The following NEGR1 variants were observed in gnomAD, a reference collection of about 807,000 sequenced individuals.
NEGR1 encodes neuronal growth regulator 1, also known as IgLON family member 4.
NEGR1 carries 10 observed loss-of-function variants against 40.9 expected under a neutral mutation model. The ratio of observed to expected loss-of-function variants is 0.24; its 90% CI spans 0.15 to 0.42. The LOEUF is 0.42. NEGR1 is among the 10% of genes least tolerant of loss of function. The pLI is 1.00. For synonymous variants in NEGR1, 185 were observed against 166.8 expected, an observed-to-expected ratio of 1.11 and a Z score of -0.84; for missense variants, 352 against 438.9, an observed-to-expected ratio of 0.80 and a Z score of 1.77.
chr1:71,612,688 C>T (rs1302170878), intron 4 of NEGR1, among the ~76,000 whole-genome samples: 2 of 152,176 alleles, frequency 1.3e-5, no homozygotes, highest in Non-Finnish European at 2.9e-5. Context: ...ATAGGGTAAT[C>T]TGAGTAGGCC....
intron 2 of NEGR1, among the ~76,000 whole-genome samples, 190 bp downstream of exon 2, chr1:71,934,889 A>T (rs368639030): frequency 6.6e-6 from 1 of 152,078 alleles, no homozygotes; most frequent in Admixed American, 6.6e-5. Flanking sequence ...TTCTGTCTGT[A>T]TGACTCTTAA....
intron 1 of NEGR1, among the ~76,000 whole-genome samples, chr1:72,202,916 G>A (rs905080176): frequency 1.3e-5 from 2 of 151,854 alleles, no homozygotes; most frequent in Non-Finnish European, 2.9e-5. Flanking sequence ...AAGCACATCT[G>A]TTTACAGTAT....
intron 1 of NEGR1, among the ~76,000 whole-genome samples, chr1:71,976,718 C>T (rs1346163343): frequency 6.6e-6 from 1 of 151,954 alleles, no homozygotes; most frequent in Non-Finnish European, 1.5e-5. Flanking sequence ...CTCCTTTTGT[C>T]TTTGCACTAA....
At chr1:72,050,577 A>G (rs941337938) in intron 1 of NEGR1, among the ~76,000 whole-genome samples, 1 of 151,448 alleles carries the variant, frequency 6.6e-6, no homozygotes, top group African/African-American at 2.4e-5. Flanking sequence ...TCCATGGTTG[A>G]CCCTTCTATA....
chr1:71,975,601 C>T (rs1646294791), intron 1 of NEGR1, among the ~76,000 whole-genome samples: 2 of 152,158 alleles, frequency 1.3e-5, no homozygotes, highest in Admixed American at 6.5e-5. Context: ...CAGGCATGAA[C>T]CAATGCTAGA....
chr1:71,548,707 T>A (rs1453801056), intron 6 of NEGR1, among the ~76,000 whole-genome samples: 1 of 151,620 alleles, frequency 6.6e-6, no homozygotes, highest in Non-Finnish European at 1.5e-5. Flanking sequence ...AATTTTATTG[T>A]CACTTCAGAA....
intron 1 of NEGR1, among the ~76,000 whole-genome samples, chr1:71,993,796 T>C (rs1455123324): frequency 6.6e-6 from 1 of 152,210 alleles, no homozygotes; most frequent in Non-Finnish European, 1.5e-5. Context: ...CATGCAGTTA[T>C]CAAGTGGTAG....
chr1:72,159,329 C>T (rs1379401743), intron 1 of NEGR1, among the ~76,000 whole-genome samples: 3 of 152,078 alleles, frequency 2.0e-5, no homozygotes, highest in East Asian at 1.9e-4. Flanking sequence ...GGCCAAACCA[C>T]GTAAGTCTTG....
chr1:71,735,150 T>C (rs534907255), intron 3 of NEGR1, among the ~76,000 whole-genome samples: 2 of 152,252 alleles, frequency 1.3e-5, no homozygotes, highest in Non-Finnish European at 2.9e-5. Context: ...TATCTCAGCA[T>C]GAGTTTTTCA....
chr1:71,927,621 T>C (rs1447157355), intron 2 of NEGR1, among the ~76,000 whole-genome samples: 4 of 151,850 alleles, frequency 2.6e-5, no homozygotes, highest in African/African-American at 4.8e-5. Context: ...TAGACCTCAA[T>C]AATACTGCTT....
intron 1 of NEGR1, among the ~76,000 whole-genome samples, chr1:72,075,218 G>C (rs12033161): frequency 6.6e-6 from 1 of 152,074 alleles, no homozygotes; most frequent in Non-Finnish European, 1.5e-5. Flanking sequence ...TGTAATTAAA[G>C]TTTTGAAAAT....
intron 6 of NEGR1, among the ~76,000 whole-genome samples, chr1:71,561,276 T>G (rs1557567451): frequency 6.6e-6 from 1 of 151,650 alleles, no homozygotes; most frequent in Admixed American, 6.6e-5. Flanking sequence ...ACACTCAAAT[T>G]TCAATTTTTC....
intron 1 of NEGR1, among the ~76,000 whole-genome samples, chr1:72,276,188 A>T (rs1412341692): frequency 6.6e-6 from 1 of 152,166 alleles, no homozygotes. Flanking sequence ...TAGAAAAATG[A>T]TCTGATTTTT....
chr1:72,101,771 C>G (rs1294840931), intron 1 of NEGR1, among the ~76,000 whole-genome samples: 3 of 151,970 alleles, frequency 2.0e-5, no homozygotes. Flanking sequence ...TACTCTAGGG[C>G]CATTTGTAAA....
chr1:72,072,339 A>T (rs1411808132), intron 1 of NEGR1, among the ~76,000 whole-genome samples: 1 of 152,126 alleles, frequency 6.6e-6, no homozygotes, highest in Non-Finnish European at 1.5e-5. Context: ...AATTTCTAAT[A>T]CCTAGTATAG....
chr1:71,533,852 A>T (rs1647433652), intron 6 of NEGR1, among the ~76,000 whole-genome samples: 1 of 151,708 alleles, frequency 6.6e-6, no homozygotes, highest in South Asian at 2.1e-4. Context: ...TTTCATAAGG[A>T]ATAAAGCAAA....
chr1:71,795,997 T>A (rs189152713), intron 2 of NEGR1, among the ~76,000 whole-genome samples: 1 of 152,300 alleles, frequency 6.6e-6, no homozygotes, highest in Admixed American at 6.5e-5. Context: ...GGTGTACATG[T>A]AGGTCACAGA....
At chr1:71,604,923 T>C (rs922402633) in intron 5 of NEGR1, among the ~76,000 whole-genome samples, 1 of 152,186 alleles carries the variant, frequency 6.6e-6, no homozygotes, top group Admixed American at 6.5e-5. Flanking sequence ...GGCCCCACAC[T>C]GCCAAATGCA....
chr1:71,948,286 G>A (rs1429630231), intron 1 of NEGR1, among the ~76,000 whole-genome samples: 2 of 151,852 alleles, frequency 1.3e-5, no homozygotes, highest in African/African-American at 4.8e-5. Flanking sequence ...AATATCGTTT[G>A]TATTTAGTCA....
Sources: gnomAD v4.1 joint callset for allele counts (sites outside exome capture counted in the v4.1 genomes callset) on GRCh38, gnomAD v4.1.1 for gene constraint, MANE v1.5 for transcripts, NCBI Gene and HGNC (gene_info 2026-07-23, HGNC 2026-07-21) for gene names.